ZPBP: variants seen among roughly 807,000 people sequenced by gnomAD.
ZPBP encodes zona pellucida binding protein.
In ZPBP, 26 loss-of-function variants were observed where a neutral mutation model predicts 44.8. That is an observed-to-expected ratio of 0.58 (90% CI 0.43 to 0.81). The LOEUF is 0.81. Ranked by LOEUF, ZPBP falls within the 30% of genes least tolerant of loss-of-function variation. The probability of loss-of-function intolerance (pLI) is 0.00; values close to 1 mark genes in which losing one functional copy is unlikely to be tolerated. For synonymous variants in ZPBP, 174 were observed against 153.2 expected (o/e 1.14, Z -1.00); for missense variants, 409 against 434.0 (o/e 0.94, Z 0.51).
intron 6 of ZPBP, among the ~76,000 whole-genome samples, chr7:50,001,459 G>A (rs2128794858): frequency 6.6e-6 from 1 of 152,138 alleles, no homozygotes; most frequent in Admixed American, 6.5e-5. Context: ...CATATAGGTG[G>A]GGGAAAAAAA....
intron 4 of ZPBP, among the ~76,000 whole-genome samples, chr7:50,034,169 A>AT (rs766426552): frequency 6.7e-6 from 1 of 150,140 alleles, no homozygotes; most frequent in Non-Finnish European, 1.5e-5. Context: ...AGCTTTGTCC[A>AT]TTTGTTTTTG....
At chr7:50,039,982 C>T (rs373038156) in intron 4 of ZPBP, among the ~76,000 whole-genome samples, 1 of 151,984 alleles carries the variant, frequency 6.6e-6, no homozygotes, top group East Asian at 1.9e-4. Context: ...TAATAAAGAA[C>T]TGGAAATAAA....
chr7:50,059,521 A>G (rs1801140634), intron 3 of ZPBP, among the ~76,000 whole-genome samples: 1 of 152,228 alleles, frequency 6.6e-6, no homozygotes, highest in African/African-American at 2.4e-5. Context: ...TTACATATTT[A>G]TCCTAACATG....
At chr7:49,847,363 G>A (rs575684172), downstream of ZPBP, among the ~76,000 whole-genome samples, 1 of 152,158 alleles carries the variant, frequency 6.6e-6, no homozygotes, top group South Asian at 2.1e-4. Context: ...AGTGTTATCT[G>A]TGCTGTAGAA....
intron 4 of ZPBP, among the ~76,000 whole-genome samples, chr7:50,055,344 G>A (rs1252763162): frequency 3.9e-5 from 6 of 152,178 alleles, no homozygotes; most frequent in Non-Finnish European, 8.8e-5. Context: ...AAGGAGCTAT[G>A]TATAATAAAA....
At chr7:50,073,408 A>G (rs1329186349) in intron 3 of ZPBP, among the ~76,000 whole-genome samples, 4 of 152,128 alleles carry the variant, frequency 2.6e-5, no homozygotes, top group African/African-American at 7.2e-5. Flanking sequence ...AAGATCTAGA[A>G]AATAGCCTCA....
chr7:50,070,568 C>T (rs556969158), intron 3 of ZPBP, among the ~76,000 whole-genome samples: 1 of 152,306 alleles, frequency 6.6e-6, no homozygotes, highest in African/African-American at 2.4e-5. Flanking sequence ...ATCTTCAACC[C>T]CGGACAAGCC....
At chr7:50,010,908 CAA>C (rs71554292) in intron 6 of ZPBP, among the ~76,000 whole-genome samples, 6 of 92,434 alleles carry the variant, frequency 6.5e-5, no homozygotes, top group African/African-American at 2.2e-4. Flanking sequence ...CAAGACCAAG[CAA>C]AAAAAAAAAA....
At chr7:50,081,455 C>T (rs1252826050) in intron 3 of ZPBP, among the ~76,000 whole-genome samples, 1 of 151,580 alleles carries the variant, frequency 6.6e-6, no homozygotes, top group Non-Finnish European at 1.5e-5. Context: ...GATTAAAAAA[C>T]AAGAAGTTGA....
chr7:50,000,129 A>T (rs1037731749), intron 6 of ZPBP, among the ~76,000 whole-genome samples: 1 of 152,204 alleles, frequency 6.6e-6, no homozygotes, highest in South Asian at 2.1e-4. Flanking sequence ...TAAAGTAAGT[A>T]CTATGAAAAC....
intron 1 of ZPBP, among the ~76,000 whole-genome samples, chr7:49,902,461 G>A (rs888789718): frequency 5.3e-5 from 8 of 151,504 alleles, no homozygotes; most frequent in Admixed American, 3.3e-4. Context: ...TTTGACAAAG[G>A]TGCAAAGGTA....
At chr7:49,981,377 TATATATAA>T (rs1796895361) in intron 7 of ZPBP, among the ~76,000 whole-genome samples, 1 of 1,458 alleles carries the variant, frequency 6.9e-4, no homozygotes, top group East Asian at 0.056. Context: ...TTATATATAT[TATATATAA>T]TTATATATAT....
chr7:49,995,570 A>G (rs1421165482), intron 6 of ZPBP, among the ~76,000 whole-genome samples: 1 of 152,210 alleles, frequency 6.6e-6, no homozygotes, highest in Non-Finnish European at 1.5e-5. Flanking sequence ...GCGGATCACC[A>G]CATCTGCATC....
chr7:49,985,900 C>A (rs895101625), intron 6 of ZPBP, among the ~76,000 whole-genome samples: 1 of 152,182 alleles, frequency 6.6e-6, no homozygotes, highest in Non-Finnish European at 1.5e-5. Context: ...GAGAAGAGAC[C>A]TGGCCCCTTC....
chr7:49,847,560 C>T (rs1789991043), downstream of ZPBP, among the ~76,000 whole-genome samples: 1 of 152,108 alleles, frequency 6.6e-6, no homozygotes, highest in Non-Finnish European at 1.5e-5. Context: ...CATCATTGTT[C>T]AAAGAGAGTT....
At chr7:50,003,955 T>C (rs369492368) in intron 6 of ZPBP, among the ~76,000 whole-genome samples, 6 of 152,136 alleles carry the variant, frequency 3.9e-5, no homozygotes, top group African/African-American at 1.2e-4. Flanking sequence ...AAAGAGAACA[T>C]GGATAGATGA....
intron 1 of ZPBP, among the ~76,000 whole-genome samples, chr7:49,930,426 A>T (rs925136750): frequency 6.6e-6 from 1 of 152,226 alleles, no homozygotes; most frequent in Admixed American, 6.5e-5. Context: ...TGGGTTTCAA[A>T]CAAAACCTTT....
intron 1 of ZPBP, among the ~76,000 whole-genome samples, chr7:49,925,977 A>C (rs1794223482): frequency 6.6e-6 from 1 of 152,210 alleles, no homozygotes; most frequent in African/African-American, 2.4e-5. Context: ...AATGTAGCTT[A>C]CTTGGGCCCT....
At chr7:50,083,808 C>G (rs984230951) in intron 2 of ZPBP, among the ~76,000 whole-genome samples, 1 of 151,804 alleles carries the variant, frequency 6.6e-6, no homozygotes, top group African/African-American at 2.4e-5. Context: ...AGATTTATAC[C>G]TCTTACCGTA....
Sources: gnomAD v4.1 joint callset for allele counts (sites outside exome capture counted in the v4.1 genomes callset) on GRCh38, gnomAD v4.1.1 for gene constraint, MANE v1.5 for transcripts, NCBI Gene and HGNC (gene_info 2026-07-23, HGNC 2026-07-21) for gene names.